MAF: variants seen among roughly 807,000 people sequenced by gnomAD.
The protein encoded by MAF is transcription factor Maf.
MAF carries 10 observed loss-of-function variants against 22.0 expected under a neutral mutation model. That is an observed-to-expected ratio of 0.45 (90% confidence interval 0.28 to 0.77). MAF has a LOEUF of 0.77. MAF is among the 30% of genes least tolerant of loss of function. The pLI is 0.12. For missense variants in MAF, 544 were observed against 548.4 expected (o/e 0.99, Z 0.08); for synonymous variants, 337 against 255.8 (o/e 1.32, Z -3.03).
chr16:79,542,372 T>A, the MAF span, among the ~76,000 whole-genome samples: 2 of 152,088 alleles, frequency 1.3e-5, no homozygotes, highest in Admixed American at 6.5e-5. Flanking sequence ...CCATGCCACG[T>A]GGTGAGTAAG....
chr16:79,431,124 C>G, the MAF span, among the ~76,000 whole-genome samples: 1 of 152,188 alleles, frequency 6.6e-6, no homozygotes. Context: ...GGGTACACAG[C>G]TTGGGGATTC....
At chr16:79,568,483 T>C in the MAF span, among the ~76,000 whole-genome samples, 1 of 152,188 alleles carries the variant, frequency 6.6e-6, no homozygotes, top group Non-Finnish European at 1.5e-5. Flanking sequence ...AGGTCTTTTA[T>C]CTTCTCAACA....
At chr16:79,543,029 A>C in the MAF span, among the ~76,000 whole-genome samples, 4 of 152,166 alleles carry the variant, frequency 2.6e-5, no homozygotes, top group Non-Finnish European at 4.4e-5. Flanking sequence ...TCTCTCTCTC[A>C]CAATCACATA....
chr16:79,336,177 T>C, the MAF span, among the ~76,000 whole-genome samples: 4 of 152,216 alleles, frequency 2.6e-5, no homozygotes, highest in East Asian at 3.8e-4. Flanking sequence ...AGGTGTCTCA[T>C]CTAAAAGTGA....
the MAF span, among the ~76,000 whole-genome samples, chr16:79,561,794 G>A: frequency 2.6e-5 from 4 of 152,200 alleles, no homozygotes; most frequent in Admixed American, 6.5e-5. Flanking sequence ...ACTGAGAAGA[G>A]AGGAGACGGT....
the MAF span, among the ~76,000 whole-genome samples, chr16:79,495,874 C>T: frequency 6.6e-6 from 1 of 152,168 alleles, no homozygotes; most frequent in Non-Finnish European, 1.5e-5. Flanking sequence ...CGGGAAGGAA[C>T]AAATCAGAAA....
At chr16:79,545,176 G>A in the MAF span, among the ~76,000 whole-genome samples, 10 of 152,114 alleles carry the variant, frequency 6.6e-5, 1 homozygote, top group Admixed American at 2.6e-4. Context: ...CTTAAATAAT[G>A]TGGAGGAAAA....
chr16:79,581,053 C>T (rs1329083123), downstream of MAF, among the ~76,000 whole-genome samples: 1 of 152,126 alleles, frequency 6.6e-6, no homozygotes, highest in Non-Finnish European at 1.5e-5. Context: ...GCATCTCTTC[C>T]AGCAGACTCA....
At chr16:79,396,949 C>T in the MAF span, among the ~76,000 whole-genome samples, 1 of 152,334 alleles carries the variant, frequency 6.6e-6, no homozygotes, top group South Asian at 2.1e-4. Context: ...CTGGGCACTC[C>T]AGGCCAGCTG....
the MAF span, among the ~76,000 whole-genome samples, chr16:79,219,039 C>G: frequency 1.3e-5 from 2 of 152,220 alleles, no homozygotes; most frequent in African/African-American, 4.8e-5. Flanking sequence ...TGCCACACCA[C>G]TTAGAAAGAA....
the MAF span, among the ~76,000 whole-genome samples, chr16:79,294,174 T>C: frequency 1.3e-5 from 2 of 152,168 alleles, no homozygotes; most frequent in Non-Finnish European, 1.5e-5. Context: ...TTGGGGATAA[T>C]GTCAGGGTCA....
At chr16:79,541,662 G>GTTTTTTTT in the MAF span, among the ~76,000 whole-genome samples, 2 of 123,878 alleles carry the variant, frequency 1.6e-5, no homozygotes, top group Non-Finnish European at 3.5e-5. Flanking sequence ...GGTTTTTTTA[G>GTTTTTTTT]TTTTTTTTTT....
At chr16:79,588,192 A>G (rs201045071) in intron 1 of MAF, among the ~76,000 whole-genome samples, 1 of 152,186 alleles carries the variant, frequency 6.6e-6, no homozygotes, top group African/African-American at 2.4e-5. Flanking sequence ...GTAAATTTAC[A>G]TGGGGATCGC....
At chr16:79,264,552 G>A in the MAF span, 5 of 152,206 alleles carry the variant, frequency 3.3e-5, no homozygotes, top group East Asian at 1.9e-4. Flanking sequence ...AGACTATGGC[G>A]AGGCTGAGCC....
chr16:79,547,135 G>A, the MAF span, among the ~76,000 whole-genome samples: 19 of 152,154 alleles, frequency 1.2e-4, no homozygotes, highest in African/African-American at 4.1e-4. Context: ...GACAGACGGT[G>A]CAGGGATGGA....
chr16:79,259,639 C>T, the MAF span, among the ~76,000 whole-genome samples: 1 of 152,150 alleles, frequency 6.6e-6, no homozygotes, highest in African/African-American at 2.4e-5. Context: ...AGAACACAGG[C>T]TCTTGGTTGC....
the MAF span, among the ~76,000 whole-genome samples, chr16:79,239,398 G>C: frequency 6.6e-6 from 1 of 152,020 alleles, no homozygotes; most frequent in African/African-American, 2.4e-5. Context: ...GAATGAGTTG[G>C]TTATCCAACT....
At chr16:79,313,071 A>G in the MAF span, among the ~76,000 whole-genome samples, 10 of 152,278 alleles carry the variant, frequency 6.6e-5, 1 homozygote, top group South Asian at 2.1e-3. Flanking sequence ...CACAGACTGC[A>G]CTTCTGCGCC....
chr16:79,445,354 G>A, the MAF span, among the ~76,000 whole-genome samples: 2 of 152,106 alleles, frequency 1.3e-5, no homozygotes, highest in African/African-American at 4.8e-5. Flanking sequence ...ACATACAGAT[G>A]TTTTTATGTA....
Sources: gnomAD v4.1 joint callset for allele counts (sites outside exome capture counted in the v4.1 genomes callset) on GRCh38, gnomAD v4.1.1 for gene constraint, MANE v1.5 for transcripts, NCBI Gene and HGNC (gene_info 2026-07-23, HGNC 2026-07-21) for gene names.